The following EEPD1 variants were observed in gnomAD, a reference collection of about 807,000 sequenced individuals.
EEPD1 encodes endonuclease/exonuclease/phosphatase family domain containing 1, also known as endonuclease/exonuclease/phosphatase family domain-containing protein 1.
EEPD1 carries 17 observed loss-of-function variants against 46.3 expected under a neutral mutation model. The ratio of observed to expected loss-of-function variants is 0.37; its 90% CI spans 0.25 to 0.55. The LOEUF (loss-of-function observed/expected upper bound fraction) is 0.55, where lower values mean the gene tolerates loss of function less well. EEPD1 is among the 20% of genes least tolerant of loss of function. The pLI is 0.83. For synonymous variants in EEPD1, 313 were observed against 315.6 expected, an observed-to-expected ratio of 0.99 and a Z score of 0.09; for missense variants, 673 against 745.6, an observed-to-expected ratio of 0.90 and a Z score of 1.13.
Position 36,296,268 on chromosome 7 carries a change from G to A in EEPD1, c.1316-725G>A, listed in dbSNP as rs115678385. ...AGCAGACAGAGTACAGTTCCCAATC[G>A]AGGAGTGGCTGCTGCTTATATCTCC... On this transcript the variant is annotated intron_variant, in intron 6 of 7. Transcript: ENST00000242108. Among the ~76,000 whole-genome samples the A allele has an allele frequency of 9.5e-3, 1,450 of 152,096 alleles. 26 individuals carry two copies. Among genetic ancestry groups the A allele is most frequent in the African/African-American group, 0.033 (1,356 of 41,474 alleles).
chr7:36,299,333 C>T lies in EEPD1; in HGVS notation c.*127C>T. ...ATTCTCAGAGCATCAGCACTTGAGG[C>T]CTTGCCCCACGCCTTCTCTGTGGAC... On this transcript the variant is annotated 3_prime_UTR_variant, in exon 8 of 8. Coordinates refer to ENST00000242108, the MANE Select transcript of EEPD1 (RefSeq NM_030636.3). 1 of 1,145,078 alleles carries T rather than the reference C, an allele frequency of 8.7e-7. No homozygotes were observed. 70.9% of individuals were successfully genotyped at this position (1,145,078 alleles called of 1,614,324 possible).
At chr7:36,162,915 G>A (rs1055036385) in intron 2 of EEPD1, among the ~76,000 whole-genome samples, 7 of 152,132 alleles carry the variant, frequency 4.6e-5, no homozygotes, top group African/African-American at 9.7e-5. Flanking sequence ...GATGTTCTAC[G>A]GATCTGAAGT....
chr7:36,165,339 C>T (rs1029649275), intron 2 of EEPD1, among the ~76,000 whole-genome samples: 15 of 149,522 alleles, frequency 1.0e-4, no homozygotes, highest in Non-Finnish European at 2.1e-4. Flanking sequence ...GGAGTAGGCT[C>T]TAGCATCTAG....
intron 2 of EEPD1, among the ~76,000 whole-genome samples, chr7:36,216,293 C>T (rs73093510): frequency 2.5e-3 from 382 of 152,272 alleles, no homozygotes; most frequent in Non-Finnish European, 3.7e-3. Context: ...GAGACAGTTC[C>T]CTGGAACTGT....
intron 2 of EEPD1, 56 bp from the exon 3 acceptor site, chr7:36,238,929 C>T: frequency 4.5e-6 from 7 of 1,553,468 alleles, no homozygotes; most frequent in Non-Finnish European, 6.1e-6. Context: ...TTAGATGATC[C>T]TTGGTGACAT....
rs1784753292 is a variant in EEPD1 at position 36,153,326 on chromosome 7, TC to T, written c.-537del. On this transcript the variant is annotated 5_prime_UTR_variant, in exon 1 of 8. Transcript: ENST00000242108. The stretch of plus-strand genomic sequence containing the variant: ...CTGGGTCTGGACTGGCTCTGGCGGA[TC>T]CCCGCCCGAGTTGGGCGCAGGACTT... 6.7e-6 allele frequency: 1 copy of T among 149,674 alleles called. No homozygotes were observed. Among genetic ancestry groups the T allele is most frequent in the Non-Finnish European group, 1.5e-5 (1 of 67,636 alleles). 9.3% of individuals were successfully genotyped at this position (149,674 alleles called of 1,614,324 possible). A position where few individuals can be genotyped will look rare whatever the true frequency, so the allele number is the denominator to read the frequency against.
chr7:36,154,821 G>A lies in EEPD1; in HGVS notation c.497G>A (p.Arg166His), dbSNP rs372878720. ...KMALSIVDFR[R>H]EHGPFRSVED... ...GCCCTCAGCATCGTGGACTTCCGCC[G>A]TGAGCATGGGCCCTTTCGCAGCGTT... Residue 166 changes from arginine (R) to histidine (H), a missense_variant, in exon 2 of 8, where the codon CGT becomes CAT. Coordinates refer to ENST00000242108, the MANE Select transcript of EEPD1 (RefSeq NM_030636.3). This position sits in a 1 kb window ranked among gnomAD's most constrained non-coding sequence, Gnocchi z 4.2. 5.0e-6 allele frequency: 8 copies of A among 1,614,092 alleles called. No individual in the cohort carries two copies. The highest frequency in any genetic ancestry group is 1.7e-5 in the Admixed American group (1 of 60,014).
intron 2 of EEPD1, among the ~76,000 whole-genome samples, chr7:36,185,460 A>G (rs1310144799): frequency 1.3e-5 from 2 of 152,220 alleles, no homozygotes; most frequent in African/African-American, 2.4e-5. Flanking sequence ...TGCTTTTAAC[A>G]TTCTTGTATC....
rs902965117 is a variant in EEPD1, at chr7:36,179,701, A to T, written c.878+24499A>T. Among the ~76,000 whole-genome samples, 500 of 148,502 alleles carry T rather than the reference A, an allele frequency of 3.4e-3. 3 individuals are homozygous for T. Among genetic ancestry groups the T allele is most frequent in the Non-Finnish European group, 5.1e-3 (344 of 66,986 alleles). Reference sequence around the variant, plus strand: ...ATGGTAAAACCCTGTCTCTACTAAAAAAAAAAAAAAAAAAAAAAAAAGTTT... The same window carrying T: ...ATGGTAAAACCCTGTCTCTACTAAATAAAAAAAAAAAAAAAAAAAAAGTTT... On this transcript the variant is annotated intron_variant, in intron 2 of 7. Transcript: ENST00000242108.
intron 3 of EEPD1, among the ~76,000 whole-genome samples, chr7:36,245,979 C>A (rs1041731001): frequency 6.6e-6 from 1 of 152,168 alleles, no homozygotes; most frequent in Admixed American, 6.5e-5. Flanking sequence ...AGTGGCATTT[C>A]ATAAAAGGAA....
chr7:36,154,371 C>T lies in EEPD1; in HGVS notation c.47C>T (p.Ser16Leu), dbSNP rs1316498632. Reference sequence around the variant, plus strand: ...CACCGCTCCATCCCCAGGGACCCCTCGGACCTGTCCCATAGCCGCAAGTTC... The same window carrying T: ...CACCGCTCCATCCCCAGGGACCCCTTGGACCTGTCCCATAGCCGCAAGTTC... ...GCHRSIPRDP[S>L]DLSHSRKFSA... is the part of the protein sequence containing the mutation. The change falls in exon 2 of 8, where the codon TCG becomes TTG. Residue 16 changes from serine (S) to leucine (L), a missense_variant. Ser to Leu is a moderately radical substitution (Grantham distance 145). Coordinates refer to ENST00000242108, the MANE Select transcript of EEPD1 (RefSeq NM_030636.3). This position sits in a 1 kb window ranked among gnomAD's most constrained non-coding sequence, Gnocchi z 4.2. 2 of 1,613,542 alleles carry T rather than the reference C, an allele frequency of 1.2e-6. No homozygotes were observed. The highest frequency in any genetic ancestry group is 8.5e-7 in the Non-Finnish European group (1 of 1,180,034).
At chr7:36,202,780 T>C (rs1020816690) in intron 2 of EEPD1, among the ~76,000 whole-genome samples, 10 of 152,186 alleles carry the variant, frequency 6.6e-5, no homozygotes, top group Non-Finnish European at 1.5e-4. Context: ...CCCTGAACAC[T>C]GGACCTTACA....
intron 2 of EEPD1, among the ~76,000 whole-genome samples, chr7:36,200,283 C>T (rs1026391077): frequency 1.3e-5 from 2 of 152,118 alleles, no homozygotes; most frequent in African/African-American, 4.8e-5. Context: ...CCGCCAGTTC[C>T]GTCTGTGTTT....
At chr7:36,284,875 G>T (rs1757942260) in intron 5 of EEPD1, 55 bp downstream of exon 5, 2 of 1,432,840 alleles carry the variant, frequency 1.4e-6, no homozygotes, top group African/African-American at 1.5e-5. Flanking sequence ...AAAAAGGAAA[G>T]AAAAGGGCTC....
chr7:36,292,213 T>G (rs1373623449), intron 6 of EEPD1, among the ~76,000 whole-genome samples: 2 of 152,166 alleles, frequency 1.3e-5, no homozygotes, highest in Non-Finnish European at 2.9e-5. Flanking sequence ...AGGAAATGGC[T>G]TGTTCTTTCC....
intron 2 of EEPD1, among the ~76,000 whole-genome samples, chr7:36,177,906 G>A (rs1343261756): frequency 6.6e-6 from 1 of 152,142 alleles, no homozygotes; most frequent in African/African-American, 2.4e-5. Flanking sequence ...TAGAGACGGA[G>A]TTTCACCATG....
chr7:36,208,636 CT>C (rs1470277999), intron 2 of EEPD1, among the ~76,000 whole-genome samples: 1 of 152,194 alleles, frequency 6.6e-6, no homozygotes. Flanking sequence ...GATGGGCCCC[CT>C]ATCCCTCTGT....
At chr7:36,209,558 A>G (rs943207719) in intron 2 of EEPD1, among the ~76,000 whole-genome samples, 1 of 151,962 alleles carries the variant, frequency 6.6e-6, no homozygotes, top group Admixed American at 6.6e-5. Flanking sequence ...TGAATTTCTG[A>G]TCCTTTCCTG....
At chr7:36,184,653 TTTAAGAAAGCATCTTTATTAAATC>T (rs1430690812) in intron 2 of EEPD1, among the ~76,000 whole-genome samples, 2 of 152,318 alleles carry the variant, frequency 1.3e-5, no homozygotes, top group Admixed American at 1.3e-4. Context: ...TTGATCCCCT[TTTAAGAAAGCATCTTTATTAAATC>T]AGTTAATCTA....
Sources: gnomAD v4.1 joint callset for allele counts (sites outside exome capture counted in the v4.1 genomes callset) on GRCh38, gnomAD v4.1.1 for gene constraint, Gnocchi (gnomAD v3.1) non-coding constraint, MANE v1.5 for transcripts, NCBI Gene and HGNC (gene_info 2026-07-23, HGNC 2026-07-21) for gene names.